Variants in STAG1 observed in about 807,000 individuals in gnomAD.
The protein encoded by STAG1 is STAG1 cohesin complex component.
Under a neutral mutation model 170.9 loss-of-function variants are expected in STAG1, and 26 were observed. The ratio of observed to expected loss-of-function variants is 0.15; its 90% CI spans 0.11 to 0.21. The LOEUF (loss-of-function observed/expected upper bound fraction) is 0.21, where lower values mean the gene tolerates loss of function less well. Ranked by LOEUF, STAG1 falls within the 10% of genes least tolerant of loss-of-function variation. The probability of loss-of-function intolerance (pLI) is 1.00; values close to 1 mark genes in which losing one functional copy is unlikely to be tolerated. For synonymous variants in STAG1, 514 were observed against 497.7 expected (o/e 1.03, Z -0.44); for missense variants, 964 against 1,509.5 (o/e 0.64, Z 5.99).
intron 12 of STAG1, among the ~76,000 whole-genome samples, chr3:136,470,032 C>T (rs919624150): frequency 2.0e-5 from 3 of 152,138 alleles, no homozygotes; most frequent in African/African-American, 7.2e-5. Context: ...CATAAAAACC[C>T]TAGAAGAAAA....
intron 8 of STAG1, among the ~76,000 whole-genome samples, chr3:136,501,372 T>C (rs1239059973): frequency 1.3e-5 from 2 of 152,204 alleles, no homozygotes; most frequent in African/African-American, 4.8e-5. Context: ...AGGAGAGGAC[T>C]GTGGCAGATT....
At chr3:136,683,801 C>A (rs1942423119) in intron 1 of STAG1, among the ~76,000 whole-genome samples, 1 of 152,170 alleles carries the variant, frequency 6.6e-6, no homozygotes, top group South Asian at 2.1e-4. Flanking sequence ...AAAATCCACA[C>A]AAGAGCTGAC....
intron 4 of STAG1, among the ~76,000 whole-genome samples, chr3:136,589,055 C>T (rs952782405): frequency 2.0e-5 from 3 of 152,062 alleles, no homozygotes; most frequent in South Asian, 2.1e-4. Context: ...GCCACCACAC[C>T]CAGCCTTGTA....
At chr3:136,436,018 C>G (rs34154714) in intron 15 of STAG1, among the ~76,000 whole-genome samples, 7 of 151,756 alleles carry the variant, frequency 4.6e-5, no homozygotes, top group African/African-American at 1.5e-4. Flanking sequence ...AAGGCAATGG[C>G]GTGATCTCAG....
At position 136,521,281 on chromosome 3, in the gene STAG1, A is replaced by G; in HGVS notation, c.608T>C (p.Val203Ala). Residue 203 changes from valine to alanine, a missense_variant, in exon 7 of 34, where the codon GTA (valine) becomes GCA (alanine). Around this residue, in one of 11 missense-constraint regions of STAG1, gnomAD observed 40 missense variants for 44.1 expected, o/e 0.91. Coordinates refer to ENST00000383202, the MANE Select transcript of STAG1 (RefSeq NM_005862.3). ...IIYDEYMMDT[V>A]ISLLTGLSDS... is the part of the protein sequence containing the mutation. ...TGACAAACCCGTCAAAAGGGAGATT[A>G]CTGTGTCCATCATATACTCATCATA... 6.2e-7 allele frequency: 1 copy of G among 1,613,840 alleles called. No homozygotes were observed. Among genetic ancestry groups the G allele is most frequent in the Non-Finnish European group, 8.5e-7 (1 of 1,179,802 alleles).
chr3:136,472,691 TC>T (rs1003108742), intron 11 of STAG1, among the ~76,000 whole-genome samples, 199 bp from the exon 12 acceptor site: 2 of 152,194 alleles, frequency 1.3e-5, no homozygotes, highest in African/African-American at 4.8e-5. Context: ...AAAATCTTTC[TC>T]AACAATTGCT....
Position 136,370,379 on chromosome 3 carries a change from C to CTT in STAG1, c.2371-1099_2371-1098dup, listed in dbSNP as rs1937266393. On this transcript the variant is annotated intron_variant, in intron 23 of 33. Transcript: ENST00000383202. ...ATTTTATTATTATATTATTATTATA[C>CTT]TTTAAGTTTTAGGGTACATGTGCAC... 1.3e-5 allele frequency among the ~76,000 whole-genome samples: 2 copies of CTT among 151,970 alleles called. 1 individual carries two copies. The highest frequency in any genetic ancestry group is 4.1e-4 in the South Asian group (2 of 4,824).
chr3:136,671,022 C>T (rs187930718), intron 1 of STAG1, among the ~76,000 whole-genome samples: 176 of 152,206 alleles, frequency 1.2e-3, no homozygotes, highest in Non-Finnish European at 2.1e-3. Context: ...TGGTGACTCA[C>T]GCCTGTAATC....
intron 6 of STAG1, among the ~76,000 whole-genome samples, chr3:136,525,026 T>A (rs910155407): frequency 2.0e-5 from 3 of 152,198 alleles, no homozygotes; most frequent in Non-Finnish European, 2.9e-5. Context: ...TTTGCATCGA[T>A]GTTCATCAGG....
intron 3 of STAG1, among the ~76,000 whole-genome samples, chr3:136,614,516 T>C (rs1218315980): frequency 1.3e-5 from 2 of 152,210 alleles, no homozygotes; most frequent in Admixed American, 6.5e-5. Context: ...ATGAATTTCA[T>C]GGAAAATATG....
At chr3:136,499,573 CAAGTAT>C (rs1288347762) in intron 9 of STAG1, among the ~76,000 whole-genome samples, 1 of 152,150 alleles carries the variant, frequency 6.6e-6, no homozygotes, top group Non-Finnish European at 1.5e-5. Context: ...CAGAAGGTAA[CAAGTAT>C]ATGTATATGA....
chr3:136,685,916 A>G (rs1942505597), intron 1 of STAG1, among the ~76,000 whole-genome samples: 1 of 80,880 alleles, frequency 1.2e-5, no homozygotes, highest in African/African-American at 1.3e-4. Flanking sequence ...GTATGTCTGA[A>G]GAATAAAGAA....
chr3:136,563,078 G>C (rs763327429), intron 5 of STAG1, among the ~76,000 whole-genome samples: 1 of 152,164 alleles, frequency 6.6e-6, no homozygotes, highest in African/African-American at 2.4e-5. Flanking sequence ...ATAGCAATTA[G>C]CTCCGTAACT....
intron 5 of STAG1, among the ~76,000 whole-genome samples, chr3:136,547,661 T>C (rs552443859): frequency 1.3e-5 from 2 of 152,340 alleles, no homozygotes; most frequent in Admixed American, 6.5e-5. Context: ...TTGTCACATA[T>C]TGCAGAATTT....
chr3:136,362,613 AAAAAAAAAAG>A (rs1280583936), intron 26 of STAG1, among the ~76,000 whole-genome samples: 66 of 150,364 alleles, frequency 4.4e-4, no homozygotes, highest in East Asian at 5.8e-4. Flanking sequence ...TGCAAAAAAA[AAAAAAAAAAG>A]AAAAAAAAAG....
chr3:136,521,128 T>C (rs1934649804), intron 7 of STAG1, 85 bp downstream of exon 7: 6 of 1,117,072 alleles, frequency 5.4e-6, no homozygotes, highest in South Asian at 1.6e-5. Flanking sequence ...AAATTTTTAA[T>C]TAAATCTTCT....
At chr3:136,438,677 C>T (rs1249754158) in intron 15 of STAG1, among the ~76,000 whole-genome samples, 1 of 151,772 alleles carries the variant, frequency 6.6e-6, no homozygotes, top group African/African-American at 2.4e-5. Context: ...TTTGGTCTGC[C>T]TTCTTCAGGA....
intron 1 of STAG1, among the ~76,000 whole-genome samples, chr3:136,717,680 A>G (rs1156606302): frequency 6.6e-6 from 1 of 152,206 alleles, no homozygotes. Flanking sequence ...ATTAATTAAT[A>G]CGGAAAAAAA....
chr3:136,714,925 A>AATATATATATTAAATATATATATATATAT (rs1943479335), intron 1 of STAG1, among the ~76,000 whole-genome samples: 1 of 108,332 alleles, frequency 9.2e-6, no homozygotes, highest in East Asian at 2.4e-4. Context: ...AAAAAAAACA[A>AATATATATATTAAATATATATATATATAT]ATATATATAT....
Sources: gnomAD v4.1 joint callset for allele counts (sites outside exome capture counted in the v4.1 genomes callset) on GRCh38, gnomAD v4.1.1 for gene constraint, gnomAD v4.1.1 regional missense constraint, MANE v1.5 for transcripts, NCBI Gene and HGNC (gene_info 2026-07-23, HGNC 2026-07-21) for gene names.